The following MAGI2 variants were observed in gnomAD, a reference collection of about 807,000 sequenced individuals.
MAGI2 encodes membrane associated guanylate kinase, WW and PDZ domain containing 2, also known as membrane-associated guanylate kinase, WW and PDZ domain-containing protein 2.
In MAGI2, 35 loss-of-function variants were observed where a neutral mutation model predicts 133.3. The ratio of observed to expected loss-of-function variants is 0.26; its 90% CI spans 0.20 to 0.35. The LOEUF (loss-of-function observed/expected upper bound fraction) is 0.35. Among genes scored for constraint, MAGI2 ranks in the 10% least tolerant of loss-of-function variants. MAGI2 has a pLI of 1.00. For missense variants in MAGI2, 1,636 were observed against 1,863.4 expected, an observed-to-expected ratio of 0.88 and a Z score of 2.25; for synonymous variants, 729 against 710.6, an observed-to-expected ratio of 1.03 and a Z score of -0.41.
At chr7:78,876,705 G>C (rs180692895) in intron 2 of MAGI2, among the ~76,000 whole-genome samples, 4 of 152,268 alleles carry the variant, frequency 2.6e-5, no homozygotes, top group African/African-American at 9.6e-5. Flanking sequence ...TGCCAGAATA[G>C]TTTAAAATAA....
intron 1 of MAGI2, chr7:79,410,927 A>G (rs570507772): frequency 6.6e-6 from 1 of 152,284 alleles, no homozygotes; most frequent in East Asian, 1.9e-4. Context: ...TACTACTTAT[A>G]TACATTCAGG....
At chr7:78,022,726 A>G (rs1025654552) in intron 21 of MAGI2, among the ~76,000 whole-genome samples, 4 of 152,228 alleles carry the variant, frequency 2.6e-5, no homozygotes, top group African/African-American at 9.6e-5. Flanking sequence ...GAAAAATGAA[A>G]AAATATTCAT....
At chr7:79,079,672 C>T (rs1001373487) in intron 1 of MAGI2, among the ~76,000 whole-genome samples, 1 of 151,960 alleles carries the variant, frequency 6.6e-6, no homozygotes, top group Non-Finnish European at 1.5e-5. Context: ...AACTAGAAAA[C>T]CTGACTATCA....
intron 3 of MAGI2, among the ~76,000 whole-genome samples, chr7:78,595,067 G>C (rs976251104): frequency 2.0e-5 from 3 of 152,134 alleles, no homozygotes; most frequent in African/African-American, 7.2e-5. Context: ...TCTGTAACCG[G>C]TTACAGAAAT....
intron 1 of MAGI2, among the ~76,000 whole-genome samples, chr7:79,326,401 T>C (rs1341309469): frequency 6.6e-6 from 1 of 152,162 alleles, no homozygotes; most frequent in Non-Finnish European, 1.5e-5. Flanking sequence ...ATGATATTAT[T>C]AGCTTTTATT....
intron 3 of MAGI2, among the ~76,000 whole-genome samples, chr7:78,595,603 C>T (rs184255229): frequency 5.9e-5 from 9 of 152,278 alleles, no homozygotes; most frequent in Non-Finnish European, 1.3e-4. Flanking sequence ...AAGAAAACTA[C>T]GCACTCAGTT....
chr7:78,086,389 C>T (rs1422940685), intron 20 of MAGI2, among the ~76,000 whole-genome samples: 1 of 150,112 alleles, frequency 6.7e-6, no homozygotes, highest in Non-Finnish European at 1.5e-5. Flanking sequence ...AGGCGCACTC[C>T]ACCACGCTTG....
intron 2 of MAGI2, among the ~76,000 whole-genome samples, chr7:78,868,996 G>A (rs937843148): frequency 2.6e-5 from 4 of 152,078 alleles, no homozygotes; most frequent in South Asian, 4.1e-4. Context: ...CTTGTGATCC[G>A]CCCGCCTCGG....
chr7:78,964,613 G>T (rs988039513), intron 2 of MAGI2, among the ~76,000 whole-genome samples: 3 of 152,004 alleles, frequency 2.0e-5, no homozygotes, highest in African/African-American at 4.8e-5. Flanking sequence ...GCTTCCTATG[G>T]ATAATGTAAT....
At chr7:78,929,423 C>T (rs1041143668) in intron 2 of MAGI2, among the ~76,000 whole-genome samples, 1 of 152,050 alleles carries the variant, frequency 6.6e-6, no homozygotes, top group African/African-American at 2.4e-5. Flanking sequence ...CATAAAACAA[C>T]ACTGATTTAT....
At chr7:78,164,035 A>G (rs1825374408) in intron 15 of MAGI2, among the ~76,000 whole-genome samples, 1 of 152,140 alleles carries the variant, frequency 6.6e-6, no homozygotes, top group East Asian at 1.9e-4. Context: ...TGCTCCTTCA[A>G]CTGGGTATGG....
intron 2 of MAGI2, among the ~76,000 whole-genome samples, chr7:78,691,161 G>A (rs956592871): frequency 6.6e-6 from 1 of 152,024 alleles, no homozygotes; most frequent in African/African-American, 2.4e-5. Flanking sequence ...CCTTTTTGAG[G>A]ACATGTAAAG....
At chr7:78,673,635 AT>A (rs1243205150) in intron 2 of MAGI2, among the ~76,000 whole-genome samples, 18 of 151,488 alleles carry the variant, frequency 1.2e-4, no homozygotes, top group African/African-American at 4.4e-4. Context: ...AAGGTCAGAC[AT>A]TTTTGTTCTG....
intron 2 of MAGI2, among the ~76,000 whole-genome samples, chr7:78,707,132 G>A (rs1818734376): frequency 2.0e-5 from 3 of 151,916 alleles, no homozygotes; most frequent in Admixed American, 2.0e-4. Context: ...CTTAATTAGG[G>A]GAATAGGAAC....
intron 2 of MAGI2, among the ~76,000 whole-genome samples, chr7:78,939,286 G>A (rs548658832): frequency 1.1e-4 from 17 of 152,248 alleles, no homozygotes; most frequent in Admixed American, 2.0e-4. Flanking sequence ...GAGCCACTGC[G>A]CCTGGCCATA....
At chr7:79,218,746 A>C (rs10485936) in intron 1 of MAGI2, among the ~76,000 whole-genome samples, 4,414 of 152,222 alleles carry the variant, frequency 0.029, 100 homozygotes, top group African/African-American at 0.046. Flanking sequence ...CAAAATAAAG[A>C]GGACCCAATG....
intron 1 of MAGI2, among the ~76,000 whole-genome samples, chr7:79,239,655 T>C (rs1832228206): frequency 6.6e-6 from 1 of 152,116 alleles, no homozygotes; most frequent in Non-Finnish European, 1.5e-5. Context: ...ACCCTGTTAC[T>C]CTCCTACTGG....
intron 15 of MAGI2, among the ~76,000 whole-genome samples, chr7:78,163,655 A>C (rs1387859453): frequency 1.1e-4 from 17 of 151,922 alleles, no homozygotes; most frequent in Non-Finnish European, 1.5e-5. Context: ...GTTAAAACTA[A>C]TTGCCCTTTG....
intron 6 of MAGI2, among the ~76,000 whole-genome samples, chr7:78,454,289 A>G (rs1167665050): frequency 2.0e-5 from 3 of 152,184 alleles, no homozygotes; most frequent in Admixed American, 6.6e-5. Context: ...CATAGACTCT[A>G]CCAAGAACTT....
Sources: allele counts gnomAD v4.1 joint callset (sites outside exome capture counted in the v4.1 genomes callset), GRCh38; gene constraint gnomAD v4.1.1; transcripts MANE v1.5; gene names NCBI Gene and HGNC (gene_info 2026-07-23, HGNC 2026-07-21).